The following RAD51B variants were observed in gnomAD, a reference collection of about 807,000 sequenced individuals.
RAD51B encodes the protein RAD51 paralog B, also known as DNA repair protein RAD51 homolog 2.
RAD51B carries 38 observed loss-of-function variants against 42.2 expected under a neutral mutation model. That is an observed-to-expected ratio of 0.90 (90% CI 0.70 to 1.18). RAD51B has a LOEUF of 1.18. Among genes scored for constraint, RAD51B ranks in the 50% most tolerant of loss-of-function variants. The pLI, the probability that RAD51B is intolerant of heterozygous loss-of-function variation, is 0.00. For synonymous variants in RAD51B, 154 were observed against 145.2 expected, an observed-to-expected ratio of 1.06 and a Z score of -0.43; for missense variants, 373 against 400.7, an observed-to-expected ratio of 0.93 and a Z score of 0.59.
chr14:68,607,666 G>A (rs770997500), intron 10 of RAD51B, among the ~76,000 whole-genome samples: 26 of 152,128 alleles, frequency 1.7e-4, no homozygotes, highest in Non-Finnish European at 2.2e-4. Context: ...TCTTCTTCCC[G>A]GGGTCTCTGC....
At chr14:68,578,062 T>C (rs1039922451) in intron 10 of RAD51B, among the ~76,000 whole-genome samples, 1 of 152,256 alleles carries the variant, frequency 6.6e-6, no homozygotes. Flanking sequence ...TTGCTGCCTA[T>C]GCAACACTAT....
chr14:68,365,198 G>A (rs2083116544), intron 8 of RAD51B, among the ~76,000 whole-genome samples: 1 of 152,240 alleles, frequency 6.6e-6, no homozygotes, highest in Non-Finnish European at 1.5e-5. Context: ...TTTAACGCCA[G>A]AGCTTCAGAG....
intron 8 of RAD51B, among the ~76,000 whole-genome samples, chr14:68,370,503 G>A (rs1197711122): frequency 1.3e-5 from 2 of 152,158 alleles, no homozygotes; most frequent in East Asian, 3.9e-4. Context: ...TTCAGCCAGG[G>A]ATGGACATGA....
Position 68,403,978 on chromosome 14 carries a change from A to G in RAD51B, c.854-7446A>G, listed in dbSNP as rs543635195. Among the ~76,000 whole-genome samples the G allele has an allele frequency of 1.4e-4, 22 of 152,324 alleles. No homozygotes were observed. In the South Asian group the frequency reaches 4.6e-3, roughly 32 times the overall value. ...ATTTTACAGATGGGTTAGCAATCAC[A>G]GAAAGAGAACATGCTTTGACTTACC... On this transcript the variant is annotated intron_variant, in intron 8 of 10. Transcript: ENST00000471583.
chr14:68,072,532 G>A (rs911170011), intron 7 of RAD51B, among the ~76,000 whole-genome samples: 1 of 152,106 alleles, frequency 6.6e-6, no homozygotes, highest in Admixed American at 6.6e-5. Flanking sequence ...GTGCCCATGC[G>A]ATTAAGAGTG....
intron 7 of RAD51B, among the ~76,000 whole-genome samples, chr14:68,029,943 A>G (rs1263898347): frequency 1.3e-5 from 2 of 152,208 alleles, no homozygotes; most frequent in African/African-American, 4.8e-5. Flanking sequence ...GTACATCTCT[A>G]TTAGAGCTCT....
intron 7 of RAD51B, among the ~76,000 whole-genome samples, chr14:68,195,647 A>G (rs1255224563): frequency 6.6e-6 from 1 of 152,142 alleles, no homozygotes; most frequent in Non-Finnish European, 1.5e-5. Flanking sequence ...GGTAGCTTAC[A>G]CCTGTAATCC....
chr14:68,326,583 C>G (rs2082256812), intron 8 of RAD51B, among the ~76,000 whole-genome samples: 1 of 152,112 alleles, frequency 6.6e-6, no homozygotes, highest in South Asian at 2.1e-4. Flanking sequence ...GAACAGAGAA[C>G]TAAAGGCTTT....
intron 10 of RAD51B, among the ~76,000 whole-genome samples, chr14:68,621,262 A>G (rs1891942485): frequency 6.6e-6 from 1 of 152,100 alleles, no homozygotes; most frequent in Non-Finnish European, 1.5e-5. Context: ...GAACCTCTAT[A>G]TTTTTCATCC....
intron 9 of RAD51B, among the ~76,000 whole-genome samples, chr14:68,458,055 T>G (rs1478767130): frequency 6.6e-6 from 1 of 151,922 alleles, no homozygotes; most frequent in Non-Finnish European, 1.5e-5. Context: ...AAAAGTGTAC[T>G]GATGTTTGCA....
intron 3 of RAD51B, among the ~76,000 whole-genome samples, chr14:67,830,377 T>A (rs1213566310): frequency 1.3e-5 from 2 of 151,698 alleles, no homozygotes; most frequent in Non-Finnish European, 2.9e-5. Flanking sequence ...TAGTGTTGAT[T>A]AATATGACAG....
At chr14:67,842,891 A>G (rs1339960605) in intron 4 of RAD51B, among the ~76,000 whole-genome samples, 1 of 152,118 alleles carries the variant, frequency 6.6e-6, no homozygotes. Flanking sequence ...GGGGTGTTGG[A>G]TTATGTTGAC....
chr14:68,224,405 C>T (rs2079993346), intron 7 of RAD51B, among the ~76,000 whole-genome samples: 1 of 152,054 alleles, frequency 6.6e-6, no homozygotes, highest in Non-Finnish European at 1.5e-5. Flanking sequence ...TTCCTTTTTT[C>T]ACTCATGGAT....
chr14:67,824,681 C>T (rs958135948), intron 2 of RAD51B, among the ~76,000 whole-genome samples: 24 of 152,162 alleles, frequency 1.6e-4, no homozygotes, highest in African/African-American at 4.3e-4. Context: ...TATTTATACT[C>T]GGAAACATTC....
chr14:68,105,903 A>G (rs966235823), intron 7 of RAD51B, among the ~76,000 whole-genome samples: 3 of 151,944 alleles, frequency 2.0e-5, no homozygotes, highest in African/African-American at 7.2e-5. Context: ...TTTGATTTGC[A>G]ACTATGGGAA....
At chr14:68,624,773 G>A (rs967075931) in intron 10 of RAD51B, among the ~76,000 whole-genome samples, 4 of 152,160 alleles carry the variant, frequency 2.6e-5, no homozygotes, top group South Asian at 2.1e-4. Flanking sequence ...AGGCAATTTC[G>A]TTCCTAAGTG....
intron 7 of RAD51B, among the ~76,000 whole-genome samples, chr14:67,968,568 C>A (rs2140245580): frequency 6.6e-6 from 1 of 152,284 alleles, no homozygotes; most frequent in East Asian, 1.9e-4. Context: ...AGGGCAGGGA[C>A]AAAATGCTGC....
At chr14:67,916,309 T>G (rs895787257) in intron 7 of RAD51B, among the ~76,000 whole-genome samples, 3 of 152,106 alleles carry the variant, frequency 2.0e-5, no homozygotes, top group Admixed American at 6.6e-5. Context: ...TTGAGACTGG[T>G]CTCACTTTGT....
rs959065433 is a variant in RAD51B at position 67,834,943 on chromosome 14, T to G, written c.199-137T>G. ...CACAGTCCCTGGCACAGAGTAAATA[T>G]TTGTTGAACAAATAAATAATAGAAG... is the stretch of plus-strand genomic sequence containing the variant. On this transcript the variant is annotated intron_variant, in intron 3 of 10. Transcript: ENST00000471583. The G allele has an allele frequency of 1.2e-5, 8 of 648,070 alleles. 1 individual carries two copies. Among genetic ancestry groups the G allele is most frequent in the East Asian group, 8.3e-5 (3 of 36,158 alleles). 40.1% of individuals were successfully genotyped at this position (648,070 alleles called of 1,614,324 possible).
Sources: allele counts gnomAD v4.1 joint callset (sites outside exome capture counted in the v4.1 genomes callset), GRCh38; gene constraint gnomAD v4.1.1; transcripts MANE v1.5; gene names NCBI Gene and HGNC (gene_info 2026-07-23, HGNC 2026-07-21).